Variants in C10orf67 observed in about 807,000 individuals in gnomAD.
The protein encoded by C10orf67 is uncharacterized protein C10orf67, mitochondrial.
C10orf67 carries 60 observed loss-of-function variants against 35.6 expected under a neutral mutation model. The observed-to-expected ratio is 1.68, with a 90% CI of 1.37 to 2.09. The LOEUF (loss-of-function observed/expected upper bound fraction) is 2.09, where lower values mean the gene tolerates loss of function less well. Ranked by LOEUF, C10orf67 falls within the 30% of genes most tolerant of loss-of-function variation. The pLI, the probability that C10orf67 is intolerant of heterozygous loss-of-function variation, is 0.00. For synonymous variants in C10orf67, 167 were observed against 115.8 expected (o/e 1.44, Z -2.84); for missense variants, 474 against 330.2 (o/e 1.44, Z -3.38).
intron 10 of C10orf67, among the ~76,000 whole-genome samples, chr10:23,254,577 A>G (rs1234518702): frequency 1.3e-5 from 2 of 152,204 alleles, no homozygotes; most frequent in Admixed American, 1.3e-4. Flanking sequence ...ATTTATAATT[A>G]AAAATTCACA....
chr10:23,295,707 C>A (rs1417710535), intron 5 of C10orf67, among the ~76,000 whole-genome samples: 1 of 152,186 alleles, frequency 6.6e-6, no homozygotes, highest in African/African-American at 2.4e-5. Flanking sequence ...CAAACTATTA[C>A]AGTTTTTAGT....
intron 4 of C10orf67, among the ~76,000 whole-genome samples, chr10:23,310,274 T>TTCTA (rs1844448822): frequency 6.6e-6 from 1 of 152,066 alleles, no homozygotes; most frequent in Non-Finnish European, 1.5e-5. Context: ...AAACAAAAAA[T>TTCTA]TCTAGTCTAG....
chr10:23,233,974 T>C (rs1841976275), intron 13 of C10orf67, among the ~76,000 whole-genome samples: 1 of 152,210 alleles, frequency 6.6e-6, no homozygotes, highest in African/African-American at 2.4e-5. Flanking sequence ...TAAATTCACA[T>C]AGTTTCAGTT....
intron 4 of C10orf67, among the ~76,000 whole-genome samples, chr10:23,319,101 T>C (rs182625290): frequency 6.6e-6 from 1 of 152,328 alleles, no homozygotes; most frequent in African/African-American, 2.4e-5. Context: ...TATTTCATCA[T>C]GCAGGTAATA....
At chr10:23,332,936 CA>C in intron 2 of C10orf67, 125 bp downstream of exon 2, 1 of 871,630 alleles carries the variant, frequency 1.1e-6, no homozygotes, top group Non-Finnish European at 1.8e-6. Context: ...AGCTATCATT[CA>C]GCTGTTTGTC....
In C10orf67 at chr10:23,207,522, G is replaced by A. The variant is rs537339573; in HGVS notation, c.1571-3267C>T. On this transcript the variant is annotated intron_variant, in intron 15 of 15. Coordinates refer to ENST00000636213, the MANE Select transcript of C10orf67 (RefSeq NM_001371909.1). ...ATAGTTACCGTATTCAGCCTTTAAC[G>A]TCTCATCAAATAAATTCTCTGGTCA... is the stretch of plus-strand genomic sequence containing the variant. Among the ~76,000 whole-genome samples the A allele has an allele frequency of 1.2e-3, 190 of 152,268 alleles. 1 individual carries two copies. The highest frequency in any genetic ancestry group is 4.1e-3 in the African/African-American group (172 of 41,560).
At chr10:23,217,516 C>T (rs1348226096) in intron 15 of C10orf67, among the ~76,000 whole-genome samples, 2 of 152,156 alleles carry the variant, frequency 1.3e-5, no homozygotes, top group Non-Finnish European at 2.9e-5. Flanking sequence ...TGTTTTGTTA[C>T]TACCATAATG....
In C10orf67 at chr10:23,212,457, G is replaced by A. The variant is rs57548353; in HGVS notation, c.1571-8202C>T. 4.5e-3 allele frequency among the ~76,000 whole-genome samples: 689 copies of A among 152,296 alleles called. 7 individuals carry two copies. Among genetic ancestry groups the A allele is most frequent in the African/African-American group, 0.016 (665 of 41,562 alleles). On this transcript the variant is annotated intron_variant, in intron 15 of 15. Transcript: ENST00000636213. ...TCATATTTGGTAACAGAAGCTAAAT[G>A]TGCTTCATGCTGGGTGGAAGAACAA...
intron 1 of C10orf67, among the ~76,000 whole-genome samples, chr10:23,335,700 C>T (rs1845652884): frequency 1.3e-5 from 2 of 152,108 alleles, no homozygotes; most frequent in Admixed American, 1.3e-4. Context: ...CAGTTAATCC[C>T]ACAAAATTTT....
At chr10:23,244,234 T>C (rs544594049) in intron 12 of C10orf67, among the ~76,000 whole-genome samples, 23 of 152,172 alleles carry the variant, frequency 1.5e-4, no homozygotes, top group Admixed American at 3.9e-4. Context: ...AGAAATCAAA[T>C]TGAATTTAGA....
intron 1 of C10orf67, among the ~76,000 whole-genome samples, chr10:23,342,872 G>A (rs1163651691): frequency 6.6e-6 from 1 of 152,250 alleles, no homozygotes; most frequent in East Asian, 1.9e-4. Flanking sequence ...CCCTGGAGCT[G>A]TGTCTGTGTG....
chr10:23,283,970 T>C (rs1237468260), intron 7 of C10orf67, among the ~76,000 whole-genome samples: 1 of 152,152 alleles, frequency 6.6e-6, no homozygotes, highest in East Asian at 1.9e-4. Flanking sequence ...CCGACACAGA[T>C]ACAGCTGGTA....
Position 23,223,864 on chromosome 10 carries a change from T to C in C10orf67, c.1435-46A>G, listed in dbSNP as rs143435986. 7.0e-4 allele frequency: 499 copies of C among 709,674 alleles called. 2 individuals are homozygous for C. Among genetic ancestry groups the C allele is most frequent in the South Asian group, 3.6e-3 (242 of 66,484 alleles). The allele number at this position is 709,674 out of a possible 1,614,324, so 44.0% of individuals were successfully genotyped here. A position where few individuals can be genotyped will look rare whatever the true frequency, so the allele number is the denominator to read the frequency against. ...GTACTGTGTTATCAGGAGGAAATAA[T>C]AGTCAAATCAAATGGACGTTAATGT... On this transcript the variant is annotated intron_variant, in intron 13 of 15. Coordinates refer to ENST00000636213, the MANE Select transcript of C10orf67 (RefSeq NM_001371909.1).
intron 15 of C10orf67, among the ~76,000 whole-genome samples, chr10:23,221,690 G>T (rs936065770): frequency 2.0e-5 from 3 of 152,054 alleles, no homozygotes; most frequent in Non-Finnish European, 2.9e-5. Context: ...GAAATGCAAG[G>T]CATTACCACC....
chr10:23,230,049 A>G lies in C10orf67; in HGVS notation c.1435-6231T>C, dbSNP rs118096996. ...TGCAAAGATCCAATAAAGCTGGGGC[A>G]CTCTTGCAAAACAGGGCATGAGCAT... On this transcript the variant is annotated intron_variant, in intron 13 of 15. Coordinates refer to ENST00000636213, the MANE Select transcript of C10orf67 (RefSeq NM_001371909.1). 4.3e-3 allele frequency among the ~76,000 whole-genome samples: 648 copies of G among 152,194 alleles called. 1 individual carries two copies. The highest frequency in any genetic ancestry group is 7.3e-3 in the Non-Finnish European group (495 of 67,990).
chr10:23,343,802 G>A, intron 1 of C10orf67: 1 of 357,094 alleles, frequency 2.8e-6, no homozygotes, highest in East Asian at 1.1e-4. Context: ...ACAAAAAACT[G>A]AAGCCCAGCG....
chr10:23,307,606 T>C (rs1564501827), intron 4 of C10orf67, among the ~76,000 whole-genome samples: 2 of 138,064 alleles, frequency 1.4e-5, no homozygotes, highest in Non-Finnish European at 3.0e-5. Context: ...ATTTTTTATT[T>C]AGTTTTTTTT....
intron 13 of C10orf67, among the ~76,000 whole-genome samples, chr10:23,224,501 G>A (rs117568396): frequency 0.026 from 4,004 of 152,234 alleles, 73 homozygotes; most frequent in Middle Eastern, 0.044. Context: ...TCAGCTCCTC[G>A]CCAGCAATGG....
intron 1 of C10orf67, among the ~76,000 whole-genome samples, chr10:23,334,908 G>T (rs1237660329): frequency 6.6e-6 from 1 of 152,204 alleles, no homozygotes; most frequent in Non-Finnish European, 1.5e-5. Flanking sequence ...ATGGAAATAG[G>T]TTGGGCGCAG....
Sources: gnomAD v4.1 joint callset for allele counts (sites outside exome capture counted in the v4.1 genomes callset) on GRCh38, gnomAD v4.1.1 for gene constraint, MANE v1.5 for transcripts, NCBI Gene and HGNC (gene_info 2026-07-23, HGNC 2026-07-21) for gene names.